Variants in TEX9 observed in about 807,000 individuals in gnomAD.
The protein encoded by TEX9 is testis-expressed protein 9.
In TEX9, 74 loss-of-function variants were observed where a neutral mutation model predicts 59.6. The observed-to-expected ratio is 1.24, with a 90% CI of 1.03 to 1.51. The LOEUF is 1.51. TEX9 is among the 40% of genes most tolerant of loss of function. The pLI, the probability that TEX9 is intolerant of heterozygous loss-of-function variation, is 0.00. For missense variants in TEX9, 522 were observed against 447.8 expected (o/e 1.17, Z -1.49); for synonymous variants, 186 against 152.2 (o/e 1.22, Z -1.64).
Position 56,337,446 on chromosome 15 carries a change from C to A in TEX9, c.-106-35995C>A, listed in dbSNP as rs533003557. Among the ~76,000 whole-genome samples the A allele has an allele frequency of 3.3e-5, 5 of 152,240 alleles. No individual in the cohort carries two copies. In the South Asian group the frequency reaches 6.2e-4, roughly 19 times the overall value. On this transcript the variant is annotated intron_variant, in intron 1 of 5. Coordinates refer to the TEX9 transcript ENST00000560827. ...TAAGCTGTTGGAACTTTATTTTGAG[C>A]CTTAAATGAATGTGATTATAGGGCC...
the TEX9 span, among the ~76,000 whole-genome samples, chr15:56,459,228 C>A: frequency 6.6e-6 from 1 of 152,122 alleles, no homozygotes; most frequent in Non-Finnish European, 1.5e-5. Flanking sequence ...CCTTTTGTAT[C>A]TGGTTTATTT....
intron 1 of TEX9, among the ~76,000 whole-genome samples, chr15:56,291,224 G>A (rs1240157163): frequency 1.3e-5 from 2 of 152,196 alleles, no homozygotes; most frequent in South Asian, 2.1e-4. Flanking sequence ...GGTCAGAGAT[G>A]TTGCAAGTCT....
At chr15:56,374,519 A>G (rs563634752) in intron 3 of TEX9, 1 of 152,160 alleles carries the variant, frequency 6.6e-6, no homozygotes, top group African/African-American at 2.4e-5. Flanking sequence ...CATCCCCTCA[A>G]GTATTTATCC....
intron 9 of TEX9, 58 bp from the exon 10 acceptor site, chr15:56,412,244 A>G: frequency 6.6e-7 from 1 of 1,506,348 alleles, no homozygotes; most frequent in Non-Finnish European, 9.0e-7. Flanking sequence ...CTGCAAAATG[A>G]TAAAGGGGGA....
chr15:56,332,183 C>T (rs1293013999), intron 1 of TEX9, among the ~76,000 whole-genome samples: 7 of 133,004 alleles, frequency 5.3e-5, no homozygotes, highest in East Asian at 2.2e-4. Flanking sequence ...ATGTTTATTG[C>T]GGCATTATTC....
exon 11 of TEX9, chr15:56,427,719 G>T: frequency 6.7e-7 from 1 of 1,489,724 alleles, no homozygotes; most frequent in South Asian, 1.4e-5. Flanking sequence ...AAAATTAATT[G>T]ATGTTTTAAA....
At chr15:56,257,400 A>T (rs954510119) in intron 1 of TEX9, among the ~76,000 whole-genome samples, 1 of 152,034 alleles carries the variant, frequency 6.6e-6, no homozygotes, top group Non-Finnish European at 1.5e-5. Context: ...ACTCATTTAT[A>T]CTCCCACCAA....
At chr15:56,427,853 T>A (rs2050386419) in intron 11 of TEX9, 114 bp downstream of exon 11, 1 of 755,082 alleles carries the variant, frequency 1.3e-6, no homozygotes, top group Non-Finnish European at 2.0e-6. Context: ...GAACTTCATA[T>A]AAAATGCATC....
chr15:56,336,953 G>T (rs1358683000), intron 1 of TEX9, among the ~76,000 whole-genome samples: 1 of 152,148 alleles, frequency 6.6e-6, no homozygotes, highest in African/African-American at 2.4e-5. Flanking sequence ...AGCTAGGGGT[G>T]TAAGTACTTT....
chr15:56,295,510 T>C (rs971856894), intron 1 of TEX9, among the ~76,000 whole-genome samples: 6 of 152,182 alleles, frequency 3.9e-5, no homozygotes, highest in African/African-American at 1.4e-4. Flanking sequence ...ACCAGGCTGC[T>C]TACTAGTTTC....
intron 10 of TEX9, among the ~76,000 whole-genome samples, chr15:56,415,548 C>T (rs187216980): frequency 5.3e-5 from 8 of 151,808 alleles, no homozygotes; most frequent in Admixed American, 1.3e-4. Context: ...AGATGTGCGG[C>T]CTTATTTATG....
At chr15:56,426,606 TATATATATATATATATATATAC>T (rs1296122703) in intron 10 of TEX9, among the ~76,000 whole-genome samples, 49 of 34,704 alleles carry the variant, frequency 1.4e-3, no homozygotes, top group East Asian at 6.4e-3. Context: ...TATATATATA[TATATATATATATATATATATAC>T]ACACACACAA....
At chr15:56,320,421 T>C (rs1302332092) in intron 1 of TEX9, among the ~76,000 whole-genome samples, 5 of 152,210 alleles carry the variant, frequency 3.3e-5, no homozygotes, top group Admixed American at 3.3e-4. Context: ...CTTCCTGGCT[T>C]GCAGAGGGCT....
the TEX9 span, chr15:56,456,600 G>C: frequency 3.4e-6 from 5 of 1,467,924 alleles, no homozygotes; most frequent in Non-Finnish European, 4.6e-6. Flanking sequence ...TTTTATAACA[G>C]AAAACTAAAT....
intron 1 of TEX9, among the ~76,000 whole-genome samples, chr15:56,263,890 T>C (rs1387862247): frequency 1.4e-5 from 2 of 138,520 alleles, no homozygotes; most frequent in East Asian, 4.7e-4. Context: ...TTGTTTTTTA[T>C]TAATGAGTAC....
intron 1 of TEX9, among the ~76,000 whole-genome samples, chr15:56,360,322 A>C (rs2046766982): frequency 6.6e-6 from 1 of 152,154 alleles, no homozygotes; most frequent in Admixed American, 6.6e-5. Flanking sequence ...CCTTAAATGT[A>C]TGTTAGAATT....
chr15:56,401,308 C>CAAAAAAAAAAAAA (rs1207055803), intron 9 of TEX9, among the ~76,000 whole-genome samples: 27 of 46,766 alleles, frequency 5.8e-4, no homozygotes, highest in Admixed American at 1.3e-3. Flanking sequence ...AAATTGAAAG[C>CAAAAAAAAAAAAA]AAAAAAAAAA....
chr15:56,390,116 GAGTGA>G (rs1295798114), intron 6 of TEX9, among the ~76,000 whole-genome samples: 3 of 151,454 alleles, frequency 2.0e-5, no homozygotes, highest in Non-Finnish European at 4.4e-5. Flanking sequence ...GGAAAAAATA[GAGTGA>G]AGTGATAAGG....
chr15:56,365,351 G>C (rs1037762974), upstream of TEX9: 22 of 1,467,800 alleles, frequency 1.5e-5, no homozygotes, highest in Non-Finnish European at 1.8e-6. Flanking sequence ...GAACCTGAGA[G>C]TGGGAAGGCG....
Sources: gnomAD v4.1 joint callset for allele counts (sites outside exome capture counted in the v4.1 genomes callset) on GRCh38, gnomAD v4.1.1 for gene constraint, MANE v1.5 for transcripts, NCBI Gene and HGNC (gene_info 2026-07-23, HGNC 2026-07-21) for gene names.